SNX8: variants seen among roughly 807,000 people sequenced by gnomAD.
The protein encoded by SNX8 is sorting nexin-8.
A neutral mutation model predicts 51.6 loss-of-function variants in SNX8; 25 were observed. The ratio of observed to expected loss-of-function variants is 0.48; its 90% CI spans 0.35 to 0.68. The LOEUF (loss-of-function observed/expected upper bound fraction) is 0.68, where lower values mean the gene tolerates loss of function less well. Ranked by LOEUF, SNX8 falls within the 30% of genes least tolerant of loss-of-function variation. SNX8 has a pLI of 0.00. For missense variants in SNX8, 695 were observed against 624.0 expected, an observed-to-expected ratio of 1.11 and a Z score of -1.21; for synonymous variants, 324 against 277.0, an observed-to-expected ratio of 1.17 and a Z score of -1.68.
In SNX8 at chr7:2,255,068, C is replaced by G; in HGVS notation, c.1386G>C (p.Leu462=). ...TPPCSPPEDG[L]CPH is the part of the protein sequence containing the mutation. ...TCAGCCTCAGGCGCTAGTGAGGACA[C>G]AGGCCGTCCTCCGGCGGGGAGCACG... The change falls in exon 11 of 11, where the codon CTG becomes CTC. Residue 462 remains leucine (L), a synonymous_variant. Transcript: ENST00000222990. The G allele has an allele frequency of 6.4e-7, 1 of 1,567,860 alleles. No homozygotes were observed. The highest frequency in any genetic ancestry group is 8.6e-7 in the Non-Finnish European group (1 of 1,156,158).
intron 5 of SNX8, among the ~76,000 whole-genome samples, chr7:2,268,576 C>A (rs1352048318): frequency 9.0e-5 from 13 of 145,070 alleles, no homozygotes; most frequent in South Asian, 2.2e-4. Flanking sequence ...GCCTGGCCAG[C>A]CGCCCTGTCC....
At chr7:2,259,427 T>C (rs73043231) in intron 7 of SNX8, among the ~76,000 whole-genome samples, 3,896 of 152,198 alleles carry the variant, frequency 0.026, 78 homozygotes, top group Middle Eastern at 0.051. Flanking sequence ...GGTGAAAAGC[T>C]CACCCCACGC....
At chr7:2,348,402 G>A (rs1487222445) in intron 1 of SNX8, among the ~76,000 whole-genome samples, 11 of 146,662 alleles carry the variant, frequency 7.5e-5, no homozygotes, top group African/African-American at 2.5e-4. Flanking sequence ...GTGCAGTGGC[G>A]CGATCTCGGC....
upstream of SNX8, chr7:2,314,562 C>A: frequency 1.2e-6 from 1 of 842,150 alleles, no homozygotes; most frequent in Non-Finnish European, 1.5e-6. Flanking sequence ...CCCTGCGGGC[C>A]CGCCGCGCTC....
Position 2,314,398 on chromosome 7 carries a change from C to CGGGTCCATCGCGCGGCCAGT in SNX8, c.4_23dup (p.Pro10AlafsTer88). On this transcript the variant is annotated frameshift_variant, in exon 1 of 11. Transcript: ENST00000222990. LOFTEE classifies it high-confidence loss of function. ...CCGCCCCGACTGCAGCCGCGGGCAG[C>CGGGTCCATCGCGCGGCCAGT]GGGTCCATCGCGCGGCCAGTCATGT... is the stretch of plus-strand genomic sequence containing the variant. 1 of 1,219,450 alleles carries CGGGTCCATCGCGCGGCCAGT rather than the reference C, an allele frequency of 8.2e-7. No individual in the cohort carries two copies. The allele number at this position is 1,219,450 out of a possible 1,614,324, so 75.5% of individuals were successfully genotyped here. A position where few individuals can be genotyped will look rare whatever the true frequency, so the allele number is the denominator to read the frequency against.
At chr7:2,266,411 A>G (rs1795465800) in intron 5 of SNX8, among the ~76,000 whole-genome samples, 2 of 151,894 alleles carry the variant, frequency 1.3e-5, no homozygotes, top group African/African-American at 4.8e-5. Context: ...CAGTGGCGCA[A>G]TCTTGGCTCA....
chr7:2,318,462 T>G (rs1189836268), upstream of SNX8, among the ~76,000 whole-genome samples: 1 of 145,408 alleles, frequency 6.9e-6, no homozygotes, highest in African/African-American at 2.6e-5. Context: ...AGGCAGAGCT[T>G]GCAGTGAGCC....
At chr7:2,257,321 G>A in intron 9 of SNX8, 44 bp downstream of exon 9, 3 of 1,582,476 alleles carry the variant, frequency 1.9e-6, no homozygotes, top group Non-Finnish European at 2.6e-6. Context: ...ATGGCCGGGA[G>A]GGGAAAGGCT....
intron 1 of SNX8, among the ~76,000 whole-genome samples, chr7:2,345,145 G>C (rs1161945185): frequency 6.6e-6 from 1 of 152,012 alleles, no homozygotes; most frequent in Non-Finnish European, 1.5e-5. Flanking sequence ...ACAAGCATAA[G>C]AGTCTTCACT....
At chr7:2,274,602 A>G (rs1795730940) in intron 3 of SNX8, among the ~76,000 whole-genome samples, 2 of 152,254 alleles carry the variant, frequency 1.3e-5, no homozygotes, top group Admixed American at 6.5e-5. Flanking sequence ...AAGGTGAGGC[A>G]GCCGTGTGCT....
At chr7:2,302,113 T>TC (rs1351101261) in intron 1 of SNX8, among the ~76,000 whole-genome samples, 3 of 150,778 alleles carry the variant, frequency 2.0e-5, no homozygotes, top group Non-Finnish European at 2.9e-5. Context: ...CCCGACGGTC[T>TC]CCCTCTCCCT....
upstream of SNX8, among the ~76,000 whole-genome samples, chr7:2,316,104 C>A (rs1268572498): frequency 1.3e-5 from 2 of 150,796 alleles, no homozygotes; most frequent in Non-Finnish European, 3.0e-5. Context: ...TTCATTCACC[C>A]ACTCACTCAC....
chr7:2,349,559 C>A (rs1278188495), intron 1 of SNX8, among the ~76,000 whole-genome samples: 1 of 151,462 alleles, frequency 6.6e-6, no homozygotes, highest in African/African-American at 2.4e-5. Flanking sequence ...ATTCTCCTGC[C>A]TCAGCCTCCC....
intron 1 of SNX8, among the ~76,000 whole-genome samples, chr7:2,348,834 C>A (rs1779083282): frequency 6.6e-6 from 1 of 151,248 alleles, no homozygotes. Context: ...CGCCTGTAAT[C>A]TCAGCTACTG....
At chr7:2,271,827 A>G (rs1257110787) in intron 4 of SNX8, 23 bp downstream of exon 4, 11 of 1,587,830 alleles carry the variant, frequency 6.9e-6, no homozygotes, top group Non-Finnish European at 8.6e-6. Context: ...GGGCCGGGAC[A>G]TGGGCAGGGC....
rs560129465 is a variant in SNX8, at chr7:2,273,902, TAA to T, written c.418+1208_418+1209del. On this transcript the variant is annotated intron_variant, in intron 3 of 10. Coordinates refer to ENST00000222990, the MANE Select transcript of SNX8 (RefSeq NM_013321.4). ...CTGGGCGACAGAGCGAGACTCCATG[TAA>T]AAAAAAAAAAAAAACACCATAAAAG... is the stretch of plus-strand genomic sequence containing the variant. Among the ~76,000 whole-genome samples the T allele has an allele frequency of 1.9e-3, 233 of 125,780 alleles. 2 individuals are homozygous for T. The highest frequency in any genetic ancestry group is 5.6e-3 in the African/African-American group (193 of 34,476). The allele number at this position is 125,780 out of a possible 152,430, so 82.5% of individuals were successfully genotyped here. A position where few individuals can be genotyped will look rare whatever the true frequency, so the allele number is the denominator to read the frequency against.
intron 1 of SNX8, among the ~76,000 whole-genome samples, chr7:2,340,856 C>CAAAAAAAAA (rs71026503): frequency 2.2e-5 from 1 of 45,114 alleles, no homozygotes; most frequent in African/African-American, 8.1e-5. Flanking sequence ...GGCTGCTTCT[C>CAAAAAAAAA]AAAAAAAAAA....
intron 1 of SNX8, among the ~76,000 whole-genome samples, chr7:2,313,744 C>A (rs995781713): frequency 6.6e-6 from 1 of 152,120 alleles, no homozygotes; most frequent in Non-Finnish European, 1.5e-5. Flanking sequence ...CGCCCGTAGT[C>A]CCAGCACTTT....
chr7:2,277,793 C>A (rs1015007130), intron 2 of SNX8, among the ~76,000 whole-genome samples: 1 of 147,850 alleles, frequency 6.8e-6, no homozygotes, highest in African/African-American at 2.5e-5. Flanking sequence ...GGCGACAGAG[C>A]AAGACTCCAC....
Sources: allele counts gnomAD v4.1 joint callset (sites outside exome capture counted in the v4.1 genomes callset), GRCh38; gene constraint gnomAD v4.1.1; transcripts MANE v1.5; gene names NCBI Gene and HGNC (gene_info 2026-07-23, HGNC 2026-07-21).